The following ARMH3 variants were observed in gnomAD, a reference collection of about 807,000 sequenced individuals.
ARMH3 encodes armadillo-like helical domain-containing protein 3.
Under a neutral mutation model 99.1 loss-of-function variants are expected in ARMH3, and 60 were observed. The observed-to-expected ratio is 0.61, with a 90% CI of 0.49 to 0.75. The LOEUF (loss-of-function observed/expected upper bound fraction) is 0.75. ARMH3 is among the 30% of genes least tolerant of loss of function. The pLI is 0.00. For synonymous variants in ARMH3, 285 were observed against 292.8 expected (o/e 0.97, Z 0.27); for missense variants, 679 against 843.1 (o/e 0.81, Z 2.41).
chr10:102,028,564 A>C (rs1406727197), intron 5 of ARMH3, among the ~76,000 whole-genome samples: 1 of 152,238 alleles, frequency 6.6e-6, no homozygotes, highest in African/African-American at 2.4e-5. Context: ...TAGGCAATAA[A>C]AAGGAATGAA....
chr10:101,990,416 C>T (rs1045798247), intron 19 of ARMH3, 135 bp downstream of exon 19: 6 of 583,432 alleles, frequency 1.0e-5, no homozygotes, highest in Non-Finnish European at 1.8e-5. Flanking sequence ...TGTGATCCGC[C>T]CGCCTCGGCC....
chr10:101,883,087 G>T (rs1019001887), intron 24 of ARMH3, among the ~76,000 whole-genome samples: 2 of 152,244 alleles, frequency 1.3e-5, no homozygotes, highest in Middle Eastern at 3.4e-3. Flanking sequence ...ATATGATGCA[G>T]CTGATAATAT....
At chr10:101,938,691 A>G (rs2135710288) in intron 23 of ARMH3, among the ~76,000 whole-genome samples, 1 of 152,350 alleles carries the variant, frequency 6.6e-6, no homozygotes, top group East Asian at 1.9e-4. Flanking sequence ...GGCAGTTTGT[A>G]ATTCCTGATT....
chr10:101,986,015 C>CA (rs893098014), intron 19 of ARMH3, among the ~76,000 whole-genome samples: 10 of 148,554 alleles, frequency 6.7e-5, no homozygotes, highest in Admixed American at 5.4e-4. Flanking sequence ...GACTCTGTCT[C>CA]AAAAAAAAAT....
chr10:101,911,603 A>G (rs1442672116), intron 23 of ARMH3, among the ~76,000 whole-genome samples: 1 of 152,136 alleles, frequency 6.6e-6, no homozygotes, highest in Non-Finnish European at 1.5e-5. Flanking sequence ...TGGTGGTATG[A>G]ACCTGTAGTC....
Position 101,862,919 on chromosome 10 carries a change from T to G in ARMH3, c.1861-13027A>C, listed in dbSNP as rs568101594. On this transcript the variant is annotated intron_variant, in intron 24 of 25. Coordinates refer to ENST00000370033, the MANE Select transcript of ARMH3 (RefSeq NM_024541.3). ...TACAAGTTGCCCAAAATAAATCCAC[T>G]TAAGCCAGGCGCGGTGGCTCATGCC... is the stretch of plus-strand genomic sequence containing the variant. Among the ~76,000 whole-genome samples, 4 of 152,210 alleles carry G rather than the reference T, an allele frequency of 2.6e-5. No individual in the cohort carries two copies. In the East Asian group the frequency reaches 7.7e-4, roughly 29 times the overall value.
intron 20 of ARMH3, among the ~76,000 whole-genome samples, chr10:101,958,136 T>C (rs1054306434): frequency 2.0e-5 from 3 of 152,236 alleles, no homozygotes; most frequent in Admixed American, 6.5e-5. Context: ...CATCAAGCTT[T>C]AGACATGTAT....
intron 14 of ARMH3, 90 bp from the exon 15 acceptor site, chr10:102,002,162 A>T: frequency 6.4e-7 from 1 of 1,558,118 alleles, no homozygotes; most frequent in Non-Finnish European, 8.6e-7. Context: ...CAGGCAAAAA[A>T]ATCACTAAAT....
intron 14 of ARMH3, among the ~76,000 whole-genome samples, chr10:102,004,971 G>A (rs193260090): frequency 2.6e-4 from 39 of 152,198 alleles, no homozygotes; most frequent in African/African-American, 8.4e-4. Context: ...TTGGGAGGCC[G>A]AGGCAGGCGG....
intron 23 of ARMH3, among the ~76,000 whole-genome samples, chr10:101,914,864 CA>C (rs373264871): frequency 3.6e-3 from 243 of 66,600 alleles, no homozygotes; most frequent in African/African-American, 0.01. Context: ...AAATCCATCT[CA>C]AAAAAAAAAA....
At chr10:101,852,698 G>A (rs2135268179) in intron 24 of ARMH3, among the ~76,000 whole-genome samples, 1 of 151,834 alleles carries the variant, frequency 6.6e-6, no homozygotes, top group Middle Eastern at 3.4e-3. Flanking sequence ...GCCATGCCAT[G>A]AGCTGTGATC....
In ARMH3 at chr10:102,049,489, C is replaced by A. The variant is rs555725938; in HGVS notation, c.-12+6596G>T. Among the ~76,000 whole-genome samples the A allele has an allele frequency of 4.6e-5, 7 of 151,912 alleles. No homozygotes were observed. In the South Asian group the frequency reaches 1.5e-3, roughly 32 times the overall value. ...CCCAGGAGGCGGAGGTTGCAGTGAGCCAAGATCGCGCCACTGCACTCCAGC... is the reference window on the plus strand; with the variant it reads ...CCCAGGAGGCGGAGGTTGCAGTGAGACAAGATCGCGCCACTGCACTCCAGC... On this transcript the variant is annotated intron_variant, in intron 1 of 25. Transcript: ENST00000370033.
intron 19 of ARMH3, among the ~76,000 whole-genome samples, chr10:101,988,922 CAAAA>C (rs35605193): frequency 1.8e-5 from 1 of 56,582 alleles, no homozygotes; most frequent in Non-Finnish European, 3.3e-5. Context: ...GACTCTGTCT[CAAAA>C]AAAAAAAAAA....
At chr10:101,891,214 A>G (rs1395136658) in intron 23 of ARMH3, among the ~76,000 whole-genome samples, 11 of 144,292 alleles carry the variant, frequency 7.6e-5, no homozygotes, top group Admixed American at 7.6e-4. Flanking sequence ...TTTTTTTTTG[A>G]GACGGAGTTT....
intron 4 of ARMH3, among the ~76,000 whole-genome samples, chr10:102,032,196 A>G (rs1007257491): frequency 2.6e-5 from 4 of 152,334 alleles, no homozygotes; most frequent in African/African-American, 9.6e-5. Context: ...CTCTCTGGGC[A>G]CAAGGAGTAT....
chr10:101,956,406 T>C (rs1031461664), intron 22 of ARMH3, among the ~76,000 whole-genome samples, 191 bp downstream of exon 22: 1 of 152,186 alleles, frequency 6.6e-6, no homozygotes, highest in African/African-American at 2.4e-5. Context: ...TACACTGAGA[T>C]GAAATCTGAA....
At chr10:101,898,623 G>A (rs2135486560) in intron 23 of ARMH3, among the ~76,000 whole-genome samples, 1 of 152,336 alleles carries the variant, frequency 6.6e-6, no homozygotes, top group East Asian at 1.9e-4. Context: ...AGCAAAAGTT[G>A]TTTTTGTAAC....
At chr10:101,944,273 T>TATATATATAGAGAG in intron 22 of ARMH3, among the ~76,000 whole-genome samples, 1 of 25,404 alleles carries the variant, frequency 3.9e-5, no homozygotes, top group South Asian at 1.9e-3. Context: ...TATATATATA[T>TATATATATAGAGAG]AGAGAGAGAG....
At chr10:101,907,543 A>G (rs954742583) in intron 23 of ARMH3, among the ~76,000 whole-genome samples, 17 of 152,058 alleles carry the variant, frequency 1.1e-4, no homozygotes, top group African/African-American at 4.1e-4. Flanking sequence ...CACCACACCC[A>G]GCTCATTTTT....
Sources: allele counts gnomAD v4.1 joint callset (sites outside exome capture counted in the v4.1 genomes callset), GRCh38; gene constraint gnomAD v4.1.1; transcripts MANE v1.5; gene names NCBI Gene and HGNC (gene_info 2026-07-23, HGNC 2026-07-21).